Variants in DDAH1 observed in about 807,000 individuals in gnomAD.
DDAH1 encodes the protein dimethylarginine dimethylaminohydrolase 1.
In DDAH1, 19 loss-of-function variants were observed where a neutral mutation model predicts 28.8. The observed-to-expected ratio is 0.66, with a 90% CI of 0.46 to 0.97. DDAH1 has a LOEUF of 0.97. DDAH1 is among the 50% of genes least tolerant of loss of function. DDAH1 has a pLI of 0.00. For synonymous variants in DDAH1, 153 were observed against 154.4 expected, an observed-to-expected ratio of 0.99 and a Z score of 0.07; for missense variants, 326 against 375.9, an observed-to-expected ratio of 0.87 and a Z score of 1.10.
chr1:85,387,161 A>C (rs1651310747), intron 1 of DDAH1, among the ~76,000 whole-genome samples: 1 of 152,172 alleles, frequency 6.6e-6, no homozygotes, highest in Non-Finnish European at 1.5e-5. Flanking sequence ...CCTTTTATCC[A>C]TGTTAATCTC....
At position 85,464,690 on chromosome 1, in the gene DDAH1, G is replaced by A. The variant is rs1655272352; in HGVS notation, c.303+53C>T. On this transcript the variant is annotated intron_variant, in intron 1 of 5. Coordinates refer to ENST00000284031, the MANE Select transcript of DDAH1 (RefSeq NM_012137.4). The surrounding 1 kb of genome is among the most constrained non-coding windows in gnomAD (Gnocchi z 4.4). ...TCCCCAGGCAACACGGCGGCCGGCG[G>A]CGGGGGAGGGCCTGGCGCGCGCCCC... 7.0e-7 allele frequency: 1 copy of A among 1,428,740 alleles called. No homozygotes were observed. The highest frequency in any genetic ancestry group is 2.9e-5 in the Admixed American group (1 of 34,332). 88.5% of individuals were successfully genotyped at this position (1,428,740 alleles called of 1,614,324 possible). A position where few individuals can be genotyped will look rare whatever the true frequency, so the allele number is the denominator to read the frequency against.
intron 1 of DDAH1, among the ~76,000 whole-genome samples, chr1:85,510,213 G>T (rs545120952): frequency 7.2e-5 from 11 of 152,120 alleles, no homozygotes; most frequent in Admixed American, 2.0e-4. Flanking sequence ...TTAAAGAAAA[G>T]AATTTTCAAC....
chr1:85,426,917 AAAAC>A (rs1262956789), intron 1 of DDAH1, among the ~76,000 whole-genome samples: 6 of 109,214 alleles, frequency 5.5e-5, no homozygotes, highest in African/African-American at 1.5e-4. Context: ...ATTCTTAAAA[AAAAC>A]AAAAAAAAAA....
chr1:85,372,784 T>C (rs939084757), intron 1 of DDAH1, among the ~76,000 whole-genome samples: 3 of 152,112 alleles, frequency 2.0e-5, no homozygotes, highest in Non-Finnish European at 4.4e-5. Flanking sequence ...ATAATGAAAT[T>C]AGATTCTCAT....
chr1:85,337,003 A>T (rs1288659511), intron 4 of DDAH1, among the ~76,000 whole-genome samples: 2 of 152,234 alleles, frequency 1.3e-5, no homozygotes, highest in Non-Finnish European at 2.9e-5. Context: ...ACCATGATCA[A>T]GTGGGATTTA....
At chr1:85,366,344 A>C (rs904702101) in intron 1 of DDAH1, among the ~76,000 whole-genome samples, 1 of 152,184 alleles carries the variant, frequency 6.6e-6, no homozygotes, top group Non-Finnish European at 1.5e-5. Context: ...TTACATGAAT[A>C]AGATCTCTTG....
intron 1 of DDAH1, among the ~76,000 whole-genome samples, chr1:85,419,210 G>A (rs951153181): frequency 1.3e-5 from 2 of 152,052 alleles, no homozygotes; most frequent in African/African-American, 4.8e-5. Flanking sequence ...GGAATTGTGC[G>A]ATGAAGTGCT....
intron 1 of DDAH1, among the ~76,000 whole-genome samples, chr1:85,402,779 G>A (rs2100580536): frequency 6.6e-6 from 1 of 152,026 alleles, no homozygotes; most frequent in South Asian, 2.1e-4. Context: ...CACGGTGGTG[G>A]GCACCTGTAG....
chr1:85,374,241 CTAT>C (rs921698174), intron 1 of DDAH1, among the ~76,000 whole-genome samples: 9 of 152,118 alleles, frequency 5.9e-5, no homozygotes, highest in African/African-American at 2.2e-4. Flanking sequence ...CTTCCCTGGG[CTAT>C]TATTTTAGAC....
At chr1:85,354,652 C>G (rs1455197898) in intron 2 of DDAH1, among the ~76,000 whole-genome samples, 1 of 151,632 alleles carries the variant, frequency 6.6e-6, no homozygotes, top group Non-Finnish European at 1.5e-5. Context: ...GCAATAATAA[C>G]CAATAAGTTT....
chr1:85,496,903 T>C (rs565237460), intron 1 of DDAH1, among the ~76,000 whole-genome samples: 1 of 152,330 alleles, frequency 6.6e-6, no homozygotes, highest in South Asian at 2.1e-4. Context: ...ACACTAATAC[T>C]ATAAAACTAA....
chr1:85,332,126 GTACCCACTTAGTTC>G (rs1361174379), intron 4 of DDAH1, among the ~76,000 whole-genome samples: 1 of 152,208 alleles, frequency 6.6e-6, no homozygotes, highest in Non-Finnish European at 1.5e-5. Flanking sequence ...CGGGTCCCAT[GTACCCACTTAGTTC>G]TGGACAGATA....
intron 4 of DDAH1, among the ~76,000 whole-genome samples, chr1:85,327,104 T>C (rs1264663565): frequency 6.6e-6 from 1 of 152,208 alleles, no homozygotes; most frequent in Non-Finnish European, 1.5e-5. Flanking sequence ...TATTATTGTG[T>C]GCAAGGGAAC....
chr1:85,413,094 A>G (rs1652733910), intron 1 of DDAH1, among the ~76,000 whole-genome samples: 1 of 152,208 alleles, frequency 6.6e-6, no homozygotes, highest in African/African-American at 2.4e-5. Flanking sequence ...ATTACCATGA[A>G]TACCTACACA....
chr1:85,454,622 G>A (rs1654806227), intron 1 of DDAH1, among the ~76,000 whole-genome samples: 1 of 152,148 alleles, frequency 6.6e-6, no homozygotes, highest in South Asian at 2.1e-4. Flanking sequence ...CAAACATAGT[G>A]TGTAAAAATG....
chr1:85,344,958 G>T (rs1648750966), intron 4 of DDAH1, among the ~76,000 whole-genome samples: 1 of 152,144 alleles, frequency 6.6e-6, no homozygotes, highest in Admixed American at 6.5e-5. Flanking sequence ...CTTAGTTATT[G>T]GAGAATTATT....
At chr1:85,550,757 A>T (rs1200966032) in intron 1 of DDAH1, among the ~76,000 whole-genome samples, 1 of 152,096 alleles carries the variant, frequency 6.6e-6, no homozygotes, top group Non-Finnish European at 1.5e-5. Flanking sequence ...AAACACACAC[A>T]CACACACACA....
At chr1:85,483,640 A>G (rs2100719657) in intron 2 of DDAH1, among the ~76,000 whole-genome samples, 1 of 152,344 alleles carries the variant, frequency 6.6e-6, no homozygotes, top group South Asian at 2.1e-4. Flanking sequence ...AAGTGAGATG[A>G]ATGGGGACTA....
chr1:85,485,762 C>T (rs1052352455), intron 2 of DDAH1, among the ~76,000 whole-genome samples: 5 of 152,160 alleles, frequency 3.3e-5, no homozygotes, highest in African/African-American at 1.2e-4. Context: ...AGTCAATGGA[C>T]TCTGAAAGCA....
Sources: allele counts gnomAD v4.1 joint callset (sites outside exome capture counted in the v4.1 genomes callset), GRCh38; gene constraint gnomAD v4.1.1; non-coding constraint Gnocchi (gnomAD v3.1); transcripts MANE v1.5; gene names NCBI Gene and HGNC (gene_info 2026-07-23, HGNC 2026-07-21).